The following ERI1 variants were observed in gnomAD, a reference collection of about 807,000 sequenced individuals.
The protein encoded by ERI1 is 3'-5' exoribonuclease 1.
A neutral mutation model predicts 39.7 loss-of-function variants in ERI1; 39 were observed. The observed-to-expected ratio is 0.98, with a 90% CI of 0.76 to 1.28. The LOEUF is 1.28. Among genes scored for constraint, ERI1 ranks in the 50% most tolerant of loss-of-function variants. The pLI, the probability that ERI1 is intolerant of heterozygous loss-of-function variation, is 0.00. For synonymous variants in ERI1, 204 were observed against 149.6 expected (o/e 1.36, Z -2.65); for missense variants, 581 against 416.9 (o/e 1.39, Z -3.43).
chr8:9,003,215 G>T, intron 1 of ERI1, 44 bp downstream of exon 1: 1 of 1,178,290 alleles, frequency 8.5e-7, no homozygotes, highest in Admixed American at 4.2e-5. Context: ...CAGCTGCCCC[G>T]TCCCCAAAGC....
chr8:9,013,483 G>C (rs1244979603), intron 3 of ERI1, among the ~76,000 whole-genome samples: 1 of 151,778 alleles, frequency 6.6e-6, no homozygotes, highest in Admixed American at 6.6e-5. Flanking sequence ...TTCCTTCCCA[G>C]CTTCCCCGTA....
intron 6 of ERI1, among the ~76,000 whole-genome samples, chr8:9,021,756 ATAT>A (rs72351198): frequency 0.15 from 20,579 of 136,808 alleles, 1,604 homozygotes; most frequent in African/African-American, 0.19. Context: ...TATACTGGCT[ATAT>A]TATTTGTTTT....
chr8:9,043,758 G>T (rs946979188), intron 3 of ERI1, among the ~76,000 whole-genome samples: 1 of 152,172 alleles, frequency 6.6e-6, no homozygotes, highest in Non-Finnish European at 1.5e-5. Context: ...TCACTATCTT[G>T]CTCAGGCAGA....
chr8:9,063,227 G>T (rs138891886), intron 3 of ERI1, among the ~76,000 whole-genome samples: 207 of 152,228 alleles, frequency 1.4e-3, no homozygotes, highest in African/African-American at 4.0e-3. Flanking sequence ...GCTGTAAAGC[G>T]TCTCAGAGTT....
intron 3 of ERI1, among the ~76,000 whole-genome samples, chr8:9,060,127 G>C (rs897916244): frequency 1.3e-5 from 2 of 152,304 alleles, no homozygotes; most frequent in Admixed American, 6.5e-5. Flanking sequence ...ATTGAGGATG[G>C]TAAGGGGTAC....
chr8:9,022,641 C>T (rs1043947701), intron 6 of ERI1, among the ~76,000 whole-genome samples: 3 of 152,312 alleles, frequency 2.0e-5, no homozygotes, highest in Middle Eastern at 3.4e-3. Flanking sequence ...CTCAAATGAT[C>T]TGCCCGCCTC....
chr8:9,095,984 C>G (rs529831579), intron 3 of ERI1, among the ~76,000 whole-genome samples: 1 of 152,110 alleles, frequency 6.6e-6, no homozygotes, highest in African/African-American at 2.4e-5. Flanking sequence ...ATAATAATCC[C>G]CCTTGCGTCA....
chr8:9,024,975 G>C (rs1443395642), intron 6 of ERI1, among the ~76,000 whole-genome samples: 1 of 152,048 alleles, frequency 6.6e-6, no homozygotes, highest in Non-Finnish European at 1.5e-5. Context: ...GTAGAAAGTT[G>C]AAAGTGCAGT....
At chr8:9,070,337 AAGAAGCAGGGTGTGGTGGCTCCCAC>A (rs1205222761) in intron 3 of ERI1, among the ~76,000 whole-genome samples, 1 of 152,138 alleles carries the variant, frequency 6.6e-6, no homozygotes, top group Non-Finnish European at 1.5e-5. Flanking sequence ...GAGTAGTCTA[AAGAAGCAGGGTGTGGTGGCTCCCAC>A]ATATAATCCT....
chr8:9,048,947 G>T (rs1209776147), intron 3 of ERI1, among the ~76,000 whole-genome samples: 5 of 152,032 alleles, frequency 3.3e-5, no homozygotes, highest in Non-Finnish European at 5.9e-5. Flanking sequence ...CGCTCGGCCA[G>T]CATTCTGTTC....
intron 3 of ERI1, among the ~76,000 whole-genome samples, chr8:9,050,755 T>G (rs1798331326): frequency 6.6e-6 from 1 of 152,150 alleles, no homozygotes; most frequent in Non-Finnish European, 1.5e-5. Context: ...TCAGGACTTG[T>G]TAGCTGTGGG....
rs1415656974 is a variant in ERI1, at chr8:9,053,424, G to C, written n.299+32960G>C. Among the ~76,000 whole-genome samples the C allele has an allele frequency of 2.0e-5, 3 of 152,190 alleles. No homozygotes were observed. The South Asian group carries it at 6.2e-4, about 31-fold the overall frequency. On this transcript the variant is annotated intron_variant and non_coding_transcript_variant, in intron 3 of 3. Transcript: ENST00000518663. ...GGGTTGATAAGCTCATGATGTGCTG[G>C]GAGGATGGCATGCCCAGAGAGGGAA...
intron 3 of ERI1, among the ~76,000 whole-genome samples, chr8:9,074,934 C>G (rs1000133579): frequency 3.3e-5 from 5 of 152,108 alleles, no homozygotes; most frequent in African/African-American, 1.2e-4. Context: ...GCAAGCCTGC[C>G]CCCACCAGCG....
downstream of ERI1, among the ~76,000 whole-genome samples, chr8:9,037,059 T>A (rs1797871403): frequency 6.6e-6 from 1 of 152,190 alleles, no homozygotes; most frequent in Admixed American, 6.5e-5. Flanking sequence ...TTTAACAGAC[T>A]TCTCTCTTGC....
intron 2 of ERI1, 57 bp downstream of exon 2, chr8:9,008,205 C>G (rs1816249804): frequency 7.5e-7 from 1 of 1,327,756 alleles, no homozygotes; most frequent in African/African-American, 1.5e-5. Context: ...TTTAGAAAAT[C>G]TTGAAAACAT....
chr8:9,015,366 C>T (rs1038080904), intron 3 of ERI1, among the ~76,000 whole-genome samples: 1 of 152,080 alleles, frequency 6.6e-6, no homozygotes, highest in Admixed American at 6.6e-5. Flanking sequence ...TTAAAATTGT[C>T]CTTAATCTCA....
rs1315875206 is a variant in ERI1, at chr8:9,013,766, ATCCTTC to A, written c.498+2016_498+2021del. Among the ~76,000 whole-genome samples the A allele has an allele frequency of 9.9e-5, 15 of 152,166 alleles. No individual in the cohort carries two copies. The East Asian group carries it at 1.2e-3, about 12-fold the overall frequency. On this transcript the variant is annotated intron_variant, in intron 3 of 6. Transcript: ENST00000250263. ...GGGATGGCAGCTTTTTCTAATTAGA[ATCCTTC>A]TAATTGCTCAGTTCAAAAACTTTGG...
intron 3 of ERI1, among the ~76,000 whole-genome samples, chr8:9,073,559 A>T (rs1000157615): frequency 6.6e-6 from 1 of 152,214 alleles, no homozygotes; most frequent in Non-Finnish European, 1.5e-5. Context: ...ATATTCAAAT[A>T]TTGTTTTGAA....
chr8:9,063,489 T>C (rs936125484), intron 3 of ERI1, among the ~76,000 whole-genome samples: 2 of 151,978 alleles, frequency 1.3e-5, no homozygotes, highest in Non-Finnish European at 2.9e-5. Context: ...GAGCGGAGGC[T>C]GAGGAAGAAT....
Sources: allele counts gnomAD v4.1 joint callset (sites outside exome capture counted in the v4.1 genomes callset), GRCh38; gene constraint gnomAD v4.1.1; transcripts MANE v1.5; gene names NCBI Gene and HGNC (gene_info 2026-07-23, HGNC 2026-07-21).